NXPH1: variants seen among roughly 807,000 people sequenced by gnomAD.
NXPH1 encodes the protein neurexophilin-1.
Under a neutral mutation model 23.7 loss-of-function variants are expected in NXPH1, and 5 were observed. The ratio of observed to expected loss-of-function variants is 0.21; its 90% CI spans 0.11 to 0.44. The LOEUF (loss-of-function observed/expected upper bound fraction) is 0.44, where lower values mean the gene tolerates loss of function less well. NXPH1 is among the 20% of genes least tolerant of loss of function. The probability of loss-of-function intolerance (pLI) is 0.99; values close to 1 mark genes in which losing one functional copy is unlikely to be tolerated. For missense variants in NXPH1, 324 were observed against 321.6 expected (o/e 1.01, Z -0.06); for synonymous variants, 144 against 122.2 (o/e 1.18, Z -1.18).
chr7:8,527,583 T>C (rs1273109051), intron 2 of NXPH1, among the ~76,000 whole-genome samples: 1 of 152,164 alleles, frequency 6.6e-6, no homozygotes. Context: ...ACTTAAATAT[T>C]TATAAATCTG....
chr7:8,611,077 G>A (rs73054631), intron 2 of NXPH1, among the ~76,000 whole-genome samples: 747 of 152,228 alleles, frequency 4.9e-3, no homozygotes, highest in Non-Finnish European at 7.7e-3. Flanking sequence ...AATTGCAAAT[G>A]AGTTATCATT....
At chr7:8,722,084 A>G (rs1242612200) in intron 2 of NXPH1, among the ~76,000 whole-genome samples, 1 of 152,168 alleles carries the variant, frequency 6.6e-6, no homozygotes, top group Non-Finnish European at 1.5e-5. Flanking sequence ...TAGAGGGTGA[A>G]AAGTACCAAT....
At chr7:8,525,543 G>A (rs888388895) in intron 2 of NXPH1, among the ~76,000 whole-genome samples, 6 of 152,106 alleles carry the variant, frequency 3.9e-5, no homozygotes, top group African/African-American at 7.2e-5. Flanking sequence ...TAACTTCACC[G>A]CGGTCCCCTC....
At chr7:8,644,095 C>T (rs953879893) in intron 2 of NXPH1, among the ~76,000 whole-genome samples, 3 of 152,190 alleles carry the variant, frequency 2.0e-5, no homozygotes, top group African/African-American at 7.2e-5. Context: ...AGTTATCTCC[C>T]TGTCTTTTGA....
intron 2 of NXPH1, among the ~76,000 whole-genome samples, chr7:8,608,246 A>G (rs994735961): frequency 3.9e-5 from 6 of 152,196 alleles, no homozygotes; most frequent in African/African-American, 1.4e-4. Flanking sequence ...GTTAGGAGGA[A>G]GTGATCAGCT....
intron 2 of NXPH1, among the ~76,000 whole-genome samples, chr7:8,600,177 C>T (rs1013162592): frequency 6.6e-6 from 1 of 150,388 alleles, no homozygotes; most frequent in South Asian, 2.1e-4. Context: ...GGTATATACT[C>T]GTTCTGGGGT....
chr7:8,552,336 G>A (rs115776101), intron 2 of NXPH1, among the ~76,000 whole-genome samples: 201 of 151,424 alleles, frequency 1.3e-3, no homozygotes, highest in African/African-American at 4.0e-3. Context: ...AGGTTTCTAT[G>A]TAGCACTTTG....
At chr7:8,699,224 G>A (rs931652019) in intron 2 of NXPH1, among the ~76,000 whole-genome samples, 4 of 151,976 alleles carry the variant, frequency 2.6e-5, no homozygotes, top group Admixed American at 2.0e-4. Context: ...GTTCCTATTT[G>A]TTTCTAATTA....
intron 2 of NXPH1, among the ~76,000 whole-genome samples, chr7:8,749,043 A>C (rs1458006646): frequency 6.6e-6 from 1 of 152,094 alleles, no homozygotes; most frequent in Non-Finnish European, 1.5e-5. Flanking sequence ...TCCCTGGGGG[A>C]GCCCATTTTT....
Position 8,628,474 on chromosome 7 carries a change from T to C in NXPH1, c.55-122534T>C, listed in dbSNP as rs141062819. Among the ~76,000 whole-genome samples, 298 of 151,258 alleles carry C rather than the reference T, an allele frequency of 2.0e-3. 2 individuals are homozygous for C. The highest frequency in any genetic ancestry group is 6.7e-3 in the African/African-American group (275 of 41,254). ...CCCAAACCCAACAACAATCAAACATTTAAGAGGAAAGTCAGGGACAAGAAT... is the reference window on the plus strand; with the variant it reads ...CCCAAACCCAACAACAATCAAACATCTAAGAGGAAAGTCAGGGACAAGAAT... On this transcript the variant is annotated intron_variant, in intron 2 of 2. Transcript: ENST00000405863.
intron 2 of NXPH1, among the ~76,000 whole-genome samples, chr7:8,447,031 T>C (rs1816418342): frequency 6.6e-6 from 1 of 152,200 alleles, no homozygotes; most frequent in Non-Finnish European, 1.5e-5. Context: ...CAATACTTGA[T>C]GGAAAACTCT....
At chr7:8,459,089 A>AT (rs369440813) in intron 2 of NXPH1, among the ~76,000 whole-genome samples, 2,497 of 149,002 alleles carry the variant, frequency 0.017, 47 homozygotes, top group African/African-American at 0.05. Flanking sequence ...TTTTTCCTTG[A>AT]TTTTTTTTTT....
chr7:8,706,122 G>C (rs886590420), intron 2 of NXPH1, among the ~76,000 whole-genome samples: 2 of 152,120 alleles, frequency 1.3e-5, no homozygotes, highest in African/African-American at 4.8e-5. Context: ...CTATGGTTTG[G>C]AGAAAAGCTA....
At chr7:8,484,054 G>A (rs1426667859) in intron 2 of NXPH1, among the ~76,000 whole-genome samples, 1 of 149,088 alleles carries the variant, frequency 6.7e-6, no homozygotes, top group Non-Finnish European at 1.5e-5. Flanking sequence ...GCTTCAGTAA[G>A]CCTTGAATCT....
chr7:8,750,985 C>T (rs1780554082), intron 2 of NXPH1, 23 bp from the exon 3 acceptor site: 3 of 1,609,462 alleles, frequency 1.9e-6, no homozygotes, highest in African/African-American at 1.3e-5. Context: ...GATGTAAATG[C>T]CATTTTTCTC....
rs148472372 is a variant in NXPH1 at position 8,707,588 on chromosome 7, GTA to G, written c.55-43407_55-43406del. ...TTACCATTACATTGAATGGCAATGA[GTA>G]TATATATATATACTCATCATCTCAT... On this transcript the variant is annotated intron_variant, in intron 2 of 2. Transcript: ENST00000405863. Among the ~76,000 whole-genome samples, 190 of 150,978 alleles carry G rather than the reference GTA, an allele frequency of 1.3e-3. 2 individuals carry two copies. Among genetic ancestry groups the G allele is most frequent in the African/African-American group, 3.8e-3 (158 of 41,208 alleles).
In NXPH1 at chr7:8,677,324, G is replaced by C. The variant is rs535808792; in HGVS notation, c.55-73684G>C. Among the ~76,000 whole-genome samples, 3 of 152,280 alleles carry C rather than the reference G, an allele frequency of 2.0e-5. No individual in the cohort carries two copies. The South Asian group carries it at 6.2e-4, about 32-fold the overall frequency. On this transcript the variant is annotated intron_variant, in intron 2 of 2. Transcript: ENST00000405863. ...GATTCCTTAGAAAGTTAATGTTTTA[G>C]TTGGGTTCCATTTAAGTAGAAGGTT... is the stretch of plus-strand genomic sequence containing the variant.
chr7:8,506,568 T>C (rs953844119), intron 2 of NXPH1, among the ~76,000 whole-genome samples: 2 of 152,218 alleles, frequency 1.3e-5, no homozygotes, highest in Non-Finnish European at 2.9e-5. Context: ...CTGCTCTCCC[T>C]GAGCAGATAG....
At chr7:8,720,595 A>G (rs1299324100) in intron 2 of NXPH1, among the ~76,000 whole-genome samples, 1 of 152,260 alleles carries the variant, frequency 6.6e-6, no homozygotes, top group African/African-American at 2.4e-5. Flanking sequence ...CAAAATGTGA[A>G]ATGAAACAGA....
Sources: gnomAD v4.1 joint callset for allele counts (sites outside exome capture counted in the v4.1 genomes callset) on GRCh38, gnomAD v4.1.1 for gene constraint, MANE v1.5 for transcripts, NCBI Gene and HGNC (gene_info 2026-07-23, HGNC 2026-07-21) for gene names.